NRG1: variants seen among roughly 807,000 people sequenced by gnomAD.
NRG1 encodes the protein pro-neuregulin-1, membrane-bound isoform.
NRG1 carries 18 observed loss-of-function variants against 63.8 expected under a neutral mutation model. The ratio of observed to expected loss-of-function variants is 0.28; its 90% CI spans 0.19 to 0.42. NRG1 has a LOEUF of 0.42. Ranked by LOEUF, NRG1 falls within the 10% of genes least tolerant of loss-of-function variation. The probability of loss-of-function intolerance (pLI) is 1.00; values close to 1 mark genes in which losing one functional copy is unlikely to be tolerated. For synonymous variants in NRG1, 302 were observed against 301.3 expected (o/e 1.00, Z -0.02); for missense variants, 762 against 814.7 (o/e 0.94, Z 0.79).
intron 1 of NRG1, among the ~76,000 whole-genome samples, chr8:32,169,265 G>C (rs1481105744): frequency 6.6e-6 from 1 of 152,114 alleles, no homozygotes; most frequent in Non-Finnish European, 1.5e-5. Context: ...CATAGGCCTG[G>C]TTGGGTGGTC....
intron 5 of NRG1, among the ~76,000 whole-genome samples, chr8:32,697,047 G>A (rs1229454385): frequency 6.6e-6 from 1 of 152,212 alleles, no homozygotes; most frequent in Non-Finnish European, 1.5e-5. Flanking sequence ...GTAAGCTATA[G>A]GATTAGATGG....
chr8:31,850,162 C>T (rs992283090), intron 1 of NRG1, among the ~76,000 whole-genome samples: 1 of 151,976 alleles, frequency 6.6e-6, no homozygotes, highest in African/African-American at 2.4e-5. Flanking sequence ...GGAGCAATTC[C>T]CAAAGCAGTA....
At chr8:31,732,890 A>G (rs1563339406) in intron 1 of NRG1, among the ~76,000 whole-genome samples, 1 of 151,950 alleles carries the variant, frequency 6.6e-6, no homozygotes, top group African/African-American at 2.4e-5. Flanking sequence ...TAAGAGTGAG[A>G]CTCTGTCTCA....
intron 1 of NRG1, among the ~76,000 whole-genome samples, chr8:32,180,348 T>G (rs1325366992): frequency 6.6e-6 from 1 of 152,212 alleles, no homozygotes; most frequent in African/African-American, 2.4e-5. Flanking sequence ...ATAGACTCCT[T>G]TGGCATTCCA....
chr8:32,722,738 A>G (rs1732722262), intron 5 of NRG1, among the ~76,000 whole-genome samples: 1 of 152,228 alleles, frequency 6.6e-6, no homozygotes, highest in African/African-American at 2.4e-5. Context: ...TCAGTCAGAA[A>G]TATTAAAGAA....
At chr8:32,267,880 A>G (rs942816855) in intron 1 of NRG1, among the ~76,000 whole-genome samples, 1 of 152,180 alleles carries the variant, frequency 6.6e-6, no homozygotes, top group African/African-American at 2.4e-5. Context: ...AGCGTTTACT[A>G]TAATGGGCAG....
intron 1 of NRG1, among the ~76,000 whole-genome samples, chr8:31,910,078 T>C (rs764788020): frequency 1.3e-5 from 2 of 152,210 alleles, no homozygotes; most frequent in Non-Finnish European, 2.9e-5. Flanking sequence ...TGATAAAAAT[T>C]AAGTACGCTG....
intron 5 of NRG1, among the ~76,000 whole-genome samples, chr8:32,651,031 A>G (rs969305098): frequency 8.5e-5 from 13 of 152,140 alleles, no homozygotes; most frequent in African/African-American, 2.9e-4. Context: ...CCCCAAACCA[A>G]TCTACCTACT....
chr8:31,871,541 T>G (rs1829486109), intron 1 of NRG1, among the ~76,000 whole-genome samples: 1 of 152,148 alleles, frequency 6.6e-6, no homozygotes, highest in Non-Finnish European at 1.5e-5. Flanking sequence ...CTCCACCATG[T>G]GGGTAAGCGG....
At position 32,385,349 on chromosome 8, in the gene NRG1, A is replaced by C. The variant is rs78723903; in HGVS notation, c.38-210479A>C. ...TGGCCTCTCTTTTTTGAATGAGGTAAAAAAGAAGCTTGAGAGGCAAAACAA... is the reference window on the plus strand; with the variant it reads ...TGGCCTCTCTTTTTTGAATGAGGTACAAAAGAAGCTTGAGAGGCAAAACAA... On this transcript the variant is annotated intron_variant, in intron 1 of 10. Coordinates refer to the NRG1 transcript ENST00000519301. Among the ~76,000 whole-genome samples, 965 of 152,246 alleles carry C rather than the reference A, an allele frequency of 6.3e-3. 13 individuals carry two copies. Among genetic ancestry groups the C allele is most frequent in the African/African-American group, 0.022 (925 of 41,540 alleles).
At chr8:32,123,878 C>G (rs1230316526) in intron 1 of NRG1, among the ~76,000 whole-genome samples, 2 of 151,720 alleles carry the variant, frequency 1.3e-5, no homozygotes, top group African/African-American at 4.8e-5. Flanking sequence ...AAGTGAATTA[C>G]TACCTTCTCA....
intron 1 of NRG1, among the ~76,000 whole-genome samples, chr8:32,231,293 A>G (rs1273603057): frequency 2.6e-5 from 4 of 152,168 alleles, no homozygotes; most frequent in Non-Finnish European, 5.9e-5. Flanking sequence ...TGTGTGCTGT[A>G]TATCAGGGCT....
intron 1 of NRG1, among the ~76,000 whole-genome samples, chr8:32,577,094 T>G (rs540572054): frequency 6.6e-6 from 1 of 152,314 alleles, no homozygotes; most frequent in East Asian, 1.9e-4. Flanking sequence ...GTTCCTGCAT[T>G]AATTCGCTTA....
At chr8:31,788,415 C>T in intron 1 of NRG1, among the ~76,000 whole-genome samples, 1 of 151,976 alleles carries the variant, frequency 6.6e-6, no homozygotes, top group East Asian at 1.9e-4. Context: ...GATATTTAGG[C>T]TTGAAATAAG....
At chr8:32,557,803 ATACTG>A (rs1045697788) in intron 1 of NRG1, among the ~76,000 whole-genome samples, 8 of 152,218 alleles carry the variant, frequency 5.3e-5, no homozygotes, top group African/African-American at 1.9e-4. Flanking sequence ...AATAATTTGA[ATACTG>A]AGTTGAATGG....
chr8:31,836,681 A>G (rs1825719730), intron 1 of NRG1, among the ~76,000 whole-genome samples: 1 of 152,092 alleles, frequency 6.6e-6, no homozygotes, highest in Admixed American at 6.6e-5. Context: ...AGTTTAATGC[A>G]TCCCTATCGA....
intron 1 of NRG1, among the ~76,000 whole-genome samples, chr8:31,959,278 T>C (rs544012529): frequency 3.9e-5 from 6 of 152,224 alleles, no homozygotes; most frequent in African/African-American, 7.2e-5. Flanking sequence ...GTCTCTATTT[T>C]GTATTAATGA....
chr8:32,198,873 C>T (rs1232614771), intron 1 of NRG1, among the ~76,000 whole-genome samples: 1 of 151,686 alleles, frequency 6.6e-6, no homozygotes, highest in African/African-American at 2.4e-5. Context: ...TGAAAACTTG[C>T]ATATATCTTA....
At chr8:31,864,680 A>C (rs751863591) in intron 1 of NRG1, among the ~76,000 whole-genome samples, 103 of 152,198 alleles carry the variant, frequency 6.8e-4, no homozygotes, top group Non-Finnish European at 7.1e-4. Flanking sequence ...ACCTGTAGCC[A>C]TTTAAAAATG....
Sources: gnomAD v4.1 joint callset for allele counts (sites outside exome capture counted in the v4.1 genomes callset) on GRCh38, gnomAD v4.1.1 for gene constraint, MANE v1.5 for transcripts, NCBI Gene and HGNC (gene_info 2026-07-23, HGNC 2026-07-21) for gene names.